Variants in MAPRE1 observed in about 807,000 individuals in gnomAD.
MAPRE1 encodes the protein microtubule associated protein RP/EB family member 1, also known as microtubule-associated protein RP/EB family member 1.
MAPRE1 carries 5 observed loss-of-function variants against 32.1 expected under a neutral mutation model. The observed-to-expected ratio is 0.16, with a 90% CI of 0.08 to 0.33. MAPRE1 has a LOEUF of 0.33. Ranked by LOEUF, MAPRE1 falls within the 10% of genes least tolerant of loss-of-function variation. MAPRE1 has a pLI of 1.00. For synonymous variants in MAPRE1, 122 were observed against 118.9 expected (o/e 1.03, Z -0.17); for missense variants, 209 against 327.2 (o/e 0.64, Z 2.79).
In MAPRE1 at chr20:32,844,439, C is replaced by CTTTTTTTTTTT. The variant is rs71190880; in HGVS notation, c.598-2158_598-2148dup. Among the ~76,000 whole-genome samples, 111 of 52,060 alleles carry CTTTTTTTTTTT rather than the reference C, an allele frequency of 2.1e-3. 24 individuals carry two copies. Among genetic ancestry groups the CTTTTTTTTTTT allele is most frequent in the East Asian group, 6.7e-3 (10 of 1,492 alleles). 34.2% of individuals were successfully genotyped at this position (52,060 alleles called of 152,430 possible). A position where few individuals can be genotyped will look rare whatever the true frequency, so the allele number is the denominator to read the frequency against. ...CTAGGTGGATACCAAGCTAGCATTC[C>CTTTTTTTTTTT]TTTTTTTTTTTTTTTTTTTTTTTTT... On this transcript the variant is annotated intron_variant, in intron 5 of 6. Coordinates refer to ENST00000375571, the MANE Select transcript of MAPRE1 (RefSeq NM_012325.3).
intron 1 of MAPRE1, among the ~76,000 whole-genome samples, chr20:32,825,220 T>C (rs986468861): frequency 6.6e-6 from 1 of 151,614 alleles, no homozygotes; most frequent in African/African-American, 2.4e-5. Flanking sequence ...AACATTTTGA[T>C]ATCTTTATGG....
At chr20:32,831,958 A>G (rs1052191349) in intron 2 of MAPRE1, among the ~76,000 whole-genome samples, 2 of 151,890 alleles carry the variant, frequency 1.3e-5, no homozygotes, top group Non-Finnish European at 2.9e-5. Flanking sequence ...AAAAAAAAAA[A>G]AAAAAACAAA....
Position 32,835,100 on chromosome 20 carries a change from C to T in MAPRE1, c.267+1238C>T, listed in dbSNP as rs541837108. 2.0e-5 allele frequency among the ~76,000 whole-genome samples: 3 copies of T among 152,204 alleles called. No homozygotes were observed. In the East Asian group the frequency reaches 5.8e-4, roughly 29 times the overall value. On this transcript the variant is annotated intron_variant, in intron 3 of 6. Coordinates refer to ENST00000375571, the MANE Select transcript of MAPRE1 (RefSeq NM_012325.3). Reference sequence around the variant, plus strand: ...AAAAGCCAGGCATGGTGGCTCATGCCTGTAGTCCTAGCTACTCTGGAGGTT... The same window carrying T: ...AAAAGCCAGGCATGGTGGCTCATGCTTGTAGTCCTAGCTACTCTGGAGGTT...
rs753322130 is a variant in MAPRE1 at position 32,836,816 on chromosome 20, G to A, written c.450G>A (p.Lys150=). The A allele has an allele frequency of 6.2e-7, 1 of 1,611,294 alleles. No individual in the cohort carries two copies. Among genetic ancestry groups the A allele is most frequent in the Admixed American group, 1.7e-5 (1 of 59,240 alleles). Residue 150 remains lysine, a synonymous_variant, in exon 4 of 7, where the codon AAG becomes AAA. Coordinates refer to ENST00000375571, the MANE Select transcript of MAPRE1 (RefSeq NM_012325.3). ...TTGCTCCAGCTCTGAATAAACCGAA[G>A]AAACCTCTCACTTCTAGCAGTGCAG... ...SLVAPALNKP[K]KPLTSSSAAP... is the part of the protein sequence containing the mutation.
intron 5 of MAPRE1, among the ~76,000 whole-genome samples, chr20:32,842,318 C>T (rs909551558): frequency 3.3e-5 from 5 of 152,220 alleles, no homozygotes; most frequent in Non-Finnish European, 7.3e-5. Context: ...ATCTTCTGGC[C>T]TTGTGATCCA....
chr20:32,846,596 C>A (rs755560140), intron 5 of MAPRE1, 22 bp from the exon 6 acceptor site: 3 of 1,612,210 alleles, frequency 1.9e-6, no homozygotes, highest in Non-Finnish European at 2.5e-6. Context: ...AAGCATCTCA[C>A]CCTTTTTAAT....
chr20:32,846,591 T>TCTCA, intron 5 of MAPRE1, 27 bp from the exon 6 acceptor site: 1 of 1,611,430 alleles, frequency 6.2e-7, no homozygotes, highest in African/African-American at 1.3e-5. Flanking sequence ...ATGCCAAGCA[T>TCTCA]CTCACCCTTT....
intron 1 of MAPRE1, among the ~76,000 whole-genome samples, chr20:32,823,837 C>T (rs985086048): frequency 2.6e-5 from 4 of 152,128 alleles, no homozygotes; most frequent in African/African-American, 4.8e-5. Context: ...TGCAGTGAGC[C>T]GTGATTGTGG....
intron 4 of MAPRE1, among the ~76,000 whole-genome samples, chr20:32,837,779 A>G (rs1983241578): frequency 6.6e-6 from 1 of 152,216 alleles, no homozygotes; most frequent in South Asian, 2.1e-4. Flanking sequence ...GAACATTTTC[A>G]TCACTCTGAA....
intron 5 of MAPRE1, among the ~76,000 whole-genome samples, chr20:32,843,885 GCT>G (rs1030518551): frequency 1.4e-4 from 20 of 141,166 alleles, no homozygotes; most frequent in East Asian, 8.3e-4. Flanking sequence ...ATGGAGTTTT[GCT>G]CTGTCACACA....
At chr20:32,826,131 C>T in intron 2 of MAPRE1, 83 bp downstream of exon 2, 1 of 1,352,448 alleles carries the variant, frequency 7.4e-7, no homozygotes, top group Non-Finnish European at 1.0e-6. Flanking sequence ...GACTGCAAAG[C>T]CACACACAGA....
At chr20:32,826,519 CTTTTTTTTTTTT>C (rs71338460) in intron 2 of MAPRE1, among the ~76,000 whole-genome samples, 4 of 46,560 alleles carry the variant, frequency 8.6e-5, no homozygotes, top group African/African-American at 1.8e-4. Flanking sequence ...CACGCCCGGC[CTTTTTTTTTTTT>C]TTTTTTTTTT....
chr20:32,831,717 T>C lies in MAPRE1; in HGVS notation c.122-2000T>C, dbSNP rs186098406. Among the ~76,000 whole-genome samples, 482 of 152,064 alleles carry C rather than the reference T, an allele frequency of 3.2e-3. 1 individual carries two copies. Among genetic ancestry groups the C allele is most frequent in the Non-Finnish European group, 4.0e-3 (273 of 67,984 alleles). On this transcript the variant is annotated intron_variant, in intron 2 of 6. Transcript: ENST00000375571. ...CTGGCCAATTTTTTTGTATTTTTAA[T>C]AGAGACGGGATTTCATCATGTTGGT...
intron 3 of MAPRE1, among the ~76,000 whole-genome samples, chr20:32,835,364 GTTT>G: frequency 9.4e-6 from 1 of 106,620 alleles, no homozygotes; most frequent in East Asian, 3.1e-4. Flanking sequence ...TTTTATTGGT[GTTT>G]TTTTTTTTTT....
In MAPRE1 at chr20:32,824,232, C is replaced by A. The variant is rs539266202; in HGVS notation, c.-3-1693C>A. Reference sequence around the variant, plus strand: ...CTGGTCCCTAGAACAGTGCCTAGCACGCGGTAGAGCTAGTAAACATTTGTA... The same window carrying A: ...CTGGTCCCTAGAACAGTGCCTAGCAAGCGGTAGAGCTAGTAAACATTTGTA... On this transcript the variant is annotated intron_variant, in intron 1 of 6. Coordinates refer to ENST00000375571, the MANE Select transcript of MAPRE1 (RefSeq NM_012325.3). 2.6e-5 allele frequency among the ~76,000 whole-genome samples: 4 copies of A among 152,364 alleles called. No homozygotes were observed. In the East Asian group the frequency reaches 7.7e-4, roughly 29 times the overall value.
intron 2 of MAPRE1, among the ~76,000 whole-genome samples, chr20:32,829,417 T>G (rs943726378): frequency 6.6e-6 from 1 of 152,148 alleles, no homozygotes; most frequent in Non-Finnish European, 1.5e-5. Flanking sequence ...GAAAATGAGG[T>G]CTTGCTTCCA....
intron 5 of MAPRE1, among the ~76,000 whole-genome samples, chr20:32,844,296 C>T (rs754064379): frequency 5.3e-5 from 8 of 152,038 alleles, no homozygotes; most frequent in Non-Finnish European, 7.4e-5. Context: ...ACAGATGCAA[C>T]TTTTGGCCTT....
rs781433148 is a variant in MAPRE1 at position 32,839,786 on chromosome 20, G to T, written c.527G>T (p.Gly176Val). ...TQRTAAAPKA[G>V]PGVVRKNPGV... ...AGAACCGCTGCGGCTCCTAAGGCTGGCCCTGGTGTGGTGCGAAAGAACCCT... is the reference window on the plus strand; with the variant it reads ...AGAACCGCTGCGGCTCCTAAGGCTGTCCCTGGTGTGGTGCGAAAGAACCCT... The change falls in exon 5 of 7, where the codon GGC (glycine) becomes GTC (valine). Residue 176 changes from glycine (G) to valine (V), a missense_variant. Around this residue, in one of 3 missense-constraint regions of MAPRE1, gnomAD observed 106 missense variants for 115.3 expected, o/e 0.92. Coordinates refer to ENST00000375571, the MANE Select transcript of MAPRE1 (RefSeq NM_012325.3). 4 of 1,614,212 alleles carry T rather than the reference G, an allele frequency of 2.5e-6. No homozygotes were observed. Among genetic ancestry groups the T allele is most frequent in the Admixed American group, 1.7e-5 (1 of 60,026 alleles).
chr20:32,833,972 T>A, intron 3 of MAPRE1, 110 bp downstream of exon 3: 1 of 1,098,810 alleles, frequency 9.1e-7, no homozygotes, highest in Non-Finnish European at 1.3e-6. Context: ...TTAATTTATC[T>A]AGTTAACTTT....
Sources: allele counts gnomAD v4.1 joint callset (sites outside exome capture counted in the v4.1 genomes callset), GRCh38; gene constraint gnomAD v4.1.1; regional missense constraint gnomAD v4.1.1; transcripts MANE v1.5; gene names NCBI Gene and HGNC (gene_info 2026-07-23, HGNC 2026-07-21).